The following SEMA5A variants were observed in gnomAD, a reference collection of about 807,000 sequenced individuals.
SEMA5A encodes semaphorin-5A.
SEMA5A carries 55 observed loss-of-function variants against 135.5 expected under a neutral mutation model. The observed-to-expected ratio is 0.41, with a 90% CI of 0.33 to 0.51. The LOEUF (loss-of-function observed/expected upper bound fraction) is 0.51, where lower values mean the gene tolerates loss of function less well. Among genes scored for constraint, SEMA5A ranks in the 20% least tolerant of loss-of-function variants. The probability of loss-of-function intolerance (pLI) is 0.37; values close to 1 mark genes in which losing one functional copy is unlikely to be tolerated. For synonymous variants in SEMA5A, 580 were observed against 546.5 expected (o/e 1.06, Z -0.85); for missense variants, 1,290 against 1,419.9 (o/e 0.91, Z 1.47).
rs527790251 is a variant in SEMA5A at position 9,078,354 on chromosome 5, T to C, written c.2074-11708A>G. On this transcript the variant is annotated intron_variant, in intron 16 of 22. Coordinates refer to ENST00000382496, the MANE Select transcript of SEMA5A (RefSeq NM_003966.3). The stretch of plus-strand genomic sequence containing the variant: ...ATACTATAAGTGCTTGAGAACATGA[T>C]GATAATTTGTACAGATTTTAAGAGT... 6.6e-5 allele frequency among the ~76,000 whole-genome samples: 10 copies of C among 152,306 alleles called. 1 individual carries two copies. Among genetic ancestry groups the C allele is most frequent in the Admixed American group, 5.2e-4 (8 of 15,296 alleles).
In SEMA5A at chr5:9,204,790, G is replaced by A. The variant is rs189818514; in HGVS notation, c.647-2550C>T. 1.5e-3 allele frequency among the ~76,000 whole-genome samples: 234 copies of A among 152,298 alleles called. 1 individual carries two copies. Among genetic ancestry groups the A allele is most frequent in the African/African-American group, 5.4e-3 (226 of 41,556 alleles). On this transcript the variant is annotated intron_variant, in intron 8 of 22. Transcript: ENST00000382496. This position sits in a 1 kb window ranked among gnomAD's most constrained non-coding sequence, Gnocchi z 6.4. ...TTAGGAGTCAGGCCACACAGCAGGA[G>A]GTGAGCAGCAGGCAAATGAATGTTA...
At chr5:9,245,155 G>A (rs1179717789) in intron 5 of SEMA5A, among the ~76,000 whole-genome samples, 1 of 152,134 alleles carries the variant, frequency 6.6e-6, no homozygotes, top group Non-Finnish European at 1.5e-5. Flanking sequence ...GGACAATTCT[G>A]AGTAGCATGG....
chr5:9,147,612 T>C (rs569387908), intron 12 of SEMA5A, among the ~76,000 whole-genome samples: 10 of 151,150 alleles, frequency 6.6e-5, no homozygotes, highest in Admixed American at 2.0e-4. Context: ...TCTAGTCTTA[T>C]AAGGCACAAT....
At chr5:9,122,965 T>G in intron 13 of SEMA5A, 128 bp from the exon 14 acceptor site, 66 of 833,258 alleles carry the variant, frequency 7.9e-5, no homozygotes, top group Non-Finnish European at 1.0e-4. Flanking sequence ...TTGCTGCAGT[T>G]AGAAAAAGGG....
chr5:9,049,283 T>A (rs1490098795), intron 21 of SEMA5A, among the ~76,000 whole-genome samples: 2 of 152,116 alleles, frequency 1.3e-5, no homozygotes, highest in Admixed American at 6.6e-5. Flanking sequence ...TGCCTCAGCC[T>A]CTCCACTAGC....
At chr5:9,047,235 C>T (rs1016070754) in intron 21 of SEMA5A, among the ~76,000 whole-genome samples, 2 of 152,180 alleles carry the variant, frequency 1.3e-5, no homozygotes, top group Non-Finnish European at 2.9e-5. Context: ...ACTCATGTTT[C>T]ATTATAACAT....
chr5:9,427,768 A>C (rs947075025), intron 2 of SEMA5A, among the ~76,000 whole-genome samples: 1 of 152,186 alleles, frequency 6.6e-6, no homozygotes, highest in African/African-American at 2.4e-5. Context: ...GGTGCTACCT[A>C]GGTTGTGATT....
At chr5:9,059,862 T>C (rs1469947890) in intron 18 of SEMA5A, among the ~76,000 whole-genome samples, 1 of 152,238 alleles carries the variant, frequency 6.6e-6, no homozygotes, top group East Asian at 1.9e-4. Context: ...TTTATTTTCA[T>C]ATTTAATTTT....
intron 3 of SEMA5A, among the ~76,000 whole-genome samples, chr5:9,377,806 T>C (rs1192889117): frequency 1.3e-5 from 2 of 152,164 alleles, no homozygotes; most frequent in Non-Finnish European, 2.9e-5. Context: ...ATGCTTTTGT[T>C]AGCACTGTCC....
intron 2 of SEMA5A, among the ~76,000 whole-genome samples, chr5:9,392,178 A>G (rs1756190102): frequency 1.3e-5 from 2 of 151,868 alleles, no homozygotes; most frequent in African/African-American, 4.8e-5. Context: ...AGGCTAAAGT[A>G]CCTCCCTTTT....
chr5:9,180,671 G>T (rs1368384640), intron 11 of SEMA5A, among the ~76,000 whole-genome samples: 1 of 152,078 alleles, frequency 6.6e-6, no homozygotes, highest in African/African-American at 2.4e-5. Flanking sequence ...TATCCTTGGG[G>T]TCTCTAAAGT....
At chr5:9,476,974 C>G (rs765057246) in intron 1 of SEMA5A, among the ~76,000 whole-genome samples, 30 of 151,812 alleles carry the variant, frequency 2.0e-4, no homozygotes, top group African/African-American at 7.3e-4. Flanking sequence ...TATCCCTGCC[C>G]AAATCTCATC....
At chr5:9,337,268 G>A (rs773830270) in intron 4 of SEMA5A, among the ~76,000 whole-genome samples, 2 of 152,216 alleles carry the variant, frequency 1.3e-5, no homozygotes, top group Non-Finnish European at 2.9e-5. Flanking sequence ...TGGATCTCTA[G>A]AATCCTACTG....
At chr5:9,227,672 T>C (rs1157512985) in intron 6 of SEMA5A, among the ~76,000 whole-genome samples, 1 of 151,132 alleles carries the variant, frequency 6.6e-6, no homozygotes. Context: ...TGCCTCAGCC[T>C]CCCGAGTAGC....
intron 16 of SEMA5A, among the ~76,000 whole-genome samples, chr5:9,076,904 G>GTT (rs1359800329): frequency 7.0e-6 from 1 of 143,880 alleles, no homozygotes; most frequent in East Asian, 2.0e-4. Context: ...GTGTGTGTGT[G>GTT]TGTGTAGCCT....
At chr5:9,160,235 G>T (rs571654494) in intron 11 of SEMA5A, among the ~76,000 whole-genome samples, 1 of 152,220 alleles carries the variant, frequency 6.6e-6, no homozygotes, top group South Asian at 2.1e-4. Flanking sequence ...GGAAGACTTT[G>T]TCTGTCATCC....
intron 1 of SEMA5A, among the ~76,000 whole-genome samples, chr5:9,456,847 A>G (rs1277284662): frequency 1.3e-4 from 20 of 152,222 alleles, no homozygotes; most frequent in Non-Finnish European, 2.8e-4. Context: ...AAATGACAAC[A>G]GAGAGGCTGT....
intron 5 of SEMA5A, among the ~76,000 whole-genome samples, chr5:9,264,445 C>T (rs1346037726): frequency 1.3e-5 from 2 of 152,112 alleles, no homozygotes; most frequent in African/African-American, 4.8e-5. Flanking sequence ...TTCAATATGT[C>T]AAAGCAAATC....
chr5:9,063,140 CAA>C, intron 17 of SEMA5A, 35 bp from the exon 18 acceptor site: 1 of 1,572,196 alleles, frequency 6.4e-7, no homozygotes, highest in Non-Finnish European at 8.7e-7. Context: ...GATTCTGTTA[CAA>C]GTTTCAGAGG....
Sources: allele counts gnomAD v4.1 joint callset (sites outside exome capture counted in the v4.1 genomes callset), GRCh38; gene constraint gnomAD v4.1.1; non-coding constraint Gnocchi (gnomAD v3.1); transcripts MANE v1.5; gene names NCBI Gene and HGNC (gene_info 2026-07-23, HGNC 2026-07-21).